FAM117B: variants seen among roughly 807,000 people sequenced by gnomAD.
The protein encoded by FAM117B is family with sequence similarity 117 member B.
A neutral mutation model predicts 52.8 loss-of-function variants in FAM117B; 22 were observed. The ratio of observed to expected loss-of-function variants is 0.42; its 90% CI spans 0.30 to 0.59. The LOEUF is 0.59. Among genes scored for constraint, FAM117B ranks in the 20% least tolerant of loss-of-function variants. The pLI is 0.22. For missense variants in FAM117B, 678 were observed against 802.6 expected (o/e 0.84, Z 1.88); for synonymous variants, 309 against 324.1 (o/e 0.95, Z 0.50).
intron 3 of FAM117B, chr2:202,725,341 C>T (rs542117444): frequency 1.6e-4 from 26 of 158,714 alleles, no homozygotes; most frequent in Non-Finnish European, 3.3e-4. Flanking sequence ...GTGTGTGAGA[C>T]GGAGTCTCGC....
At chr2:202,711,039 A>G (rs1284635341) in intron 2 of FAM117B, among the ~76,000 whole-genome samples, 1 of 152,108 alleles carries the variant, frequency 6.6e-6, no homozygotes, top group Non-Finnish European at 1.5e-5. Context: ...ATACCTTTTC[A>G]ATATACTGAT....
rs114659546 is a variant in FAM117B, at chr2:202,640,803, G to A, written c.601+5015G>A. ...TTTCTGTATTTTGGGTAGAGACTGG[G>A]TTTCACCATGTTGCCCAGGGTGCTC... On this transcript the variant is annotated intron_variant, in intron 1 of 7. Coordinates refer to ENST00000392238, the MANE Select transcript of FAM117B (RefSeq NM_173511.4). Among the ~76,000 whole-genome samples, 1,268 of 152,112 alleles carry A rather than the reference G, an allele frequency of 8.3e-3. 23 individuals carry two copies. The highest frequency in any genetic ancestry group is 0.029 in the African/African-American group (1,198 of 41,486).
intron 1 of FAM117B, among the ~76,000 whole-genome samples, chr2:202,684,990 ATT>A (rs1000849731): frequency 6.8e-6 from 1 of 147,986 alleles, no homozygotes; most frequent in African/African-American, 2.5e-5. Context: ...CTCAAAAAAA[ATT>A]TTTTTTTTTT....
chr2:202,758,864 A>C (rs1288378943), intron 6 of FAM117B, among the ~76,000 whole-genome samples: 2 of 152,240 alleles, frequency 1.3e-5, no homozygotes, highest in African/African-American at 2.4e-5. Context: ...AAACTGAGAA[A>C]TTTTGAAGCA....
intron 1 of FAM117B, among the ~76,000 whole-genome samples, chr2:202,645,413 C>A (rs1263154941): frequency 1.3e-5 from 2 of 151,388 alleles, no homozygotes; most frequent in Non-Finnish European, 2.9e-5. Context: ...CCTCAGCCTC[C>A]CGAGTAGCTG....
At chr2:202,742,215 A>T (rs1224626834) in intron 4 of FAM117B, among the ~76,000 whole-genome samples, 1 of 152,244 alleles carries the variant, frequency 6.6e-6, no homozygotes, top group Admixed American at 6.5e-5. Flanking sequence ...GCTCATAGGG[A>T]AAAGTAAATA....
intron 1 of FAM117B, among the ~76,000 whole-genome samples, chr2:202,643,265 T>C (rs1290374663): frequency 3.3e-5 from 5 of 152,108 alleles, no homozygotes; most frequent in Admixed American, 3.3e-4. Context: ...GAATGAAAGA[T>C]TGTAAATTCA....
intron 1 of FAM117B, among the ~76,000 whole-genome samples, chr2:202,659,604 C>CTT (rs71030981): frequency 0.019 from 1,173 of 62,286 alleles, 285 homozygotes; most frequent in East Asian, 0.04. Context: ...AGCCACCGTG[C>CTT]TTTTTTTTTT....
intron 1 of FAM117B, 140 bp downstream of exon 1, chr2:202,635,928 TG>T (rs71852817): frequency 1 from 862,832 of 862,898 alleles, 431,384 homozygotes; most frequent in Middle Eastern, 1. Flanking sequence ...TGCCGGGCGG[TG>T]GGGGACCCGG....
In FAM117B at chr2:202,635,147, A is replaced by C; in HGVS notation, c.-41A>C. ...CTCCCCCTGCAGCCCAACAACAACA[A>C]AACCCCCCGTCTCGCCCAGTCACCG... On this transcript the variant is annotated 5_prime_UTR_variant, in exon 1 of 8. Transcript: ENST00000392238. 8.0e-7 allele frequency: 1 copy of C among 1,252,688 alleles called. No individual in the cohort carries two copies. Among genetic ancestry groups the C allele is most frequent in the Non-Finnish European group, 1.0e-6 (1 of 998,120 alleles). The allele number at this position is 1,252,688 out of a possible 1,614,324, so 77.6% of individuals were successfully genotyped here. A position where few individuals can be genotyped will look rare whatever the true frequency, so the allele number is the denominator to read the frequency against.
At chr2:202,653,882 G>A (rs1690011967) in intron 1 of FAM117B, among the ~76,000 whole-genome samples, 1 of 152,022 alleles carries the variant, frequency 6.6e-6, no homozygotes, top group Non-Finnish European at 1.5e-5. Flanking sequence ...GTTCTCTCTT[G>A]CATTTCAAGT....
chr2:202,696,515 G>T (rs563204180), intron 2 of FAM117B, among the ~76,000 whole-genome samples: 10 of 152,168 alleles, frequency 6.6e-5, no homozygotes, highest in Non-Finnish European at 1.2e-4. Context: ...CCCATGGGCC[G>T]CAGGTTTTGG....
chr2:202,712,133 T>A (rs964318642), intron 2 of FAM117B, among the ~76,000 whole-genome samples: 1 of 152,166 alleles, frequency 6.6e-6, no homozygotes, highest in Non-Finnish European at 1.5e-5. Context: ...TTGCTTTGGC[T>A]AGTATGAACA....
At chr2:202,644,064 G>GTTTTTTTTT (rs1161026426) in intron 1 of FAM117B, among the ~76,000 whole-genome samples, 264 of 95,150 alleles carry the variant, frequency 2.8e-3, no homozygotes, top group Middle Eastern at 8.5e-3. Flanking sequence ...TTTTTTTTTT[G>GTTTTTTTTT]TTTTTTTTTT....
At chr2:202,639,408 C>T (rs1689734051) in intron 1 of FAM117B, among the ~76,000 whole-genome samples, 2 of 152,214 alleles carry the variant, frequency 1.3e-5, no homozygotes, top group Non-Finnish European at 2.9e-5. Context: ...AACTTCCCAC[C>T]TTCAGTGACT....
intron 1 of FAM117B, among the ~76,000 whole-genome samples, chr2:202,642,025 C>G (rs1689777899): frequency 6.7e-6 from 1 of 149,640 alleles, no homozygotes; most frequent in Non-Finnish European, 1.5e-5. Flanking sequence ...TTACTGCAAC[C>G]TCCGCCTCCC....
intron 2 of FAM117B, among the ~76,000 whole-genome samples, chr2:202,706,369 T>A (rs999555219): frequency 1.3e-5 from 2 of 152,246 alleles, no homozygotes; most frequent in South Asian, 2.1e-4. Flanking sequence ...TAAAAGGACC[T>A]TGGCTTCAGA....
chr2:202,653,595 C>G (rs1689988135), intron 1 of FAM117B, among the ~76,000 whole-genome samples: 1 of 152,144 alleles, frequency 6.6e-6, no homozygotes, highest in African/African-American at 2.4e-5. Flanking sequence ...TTGTCTATCA[C>G]TGGATTTTGT....
chr2:202,697,113 C>G (rs1690723248), intron 2 of FAM117B, among the ~76,000 whole-genome samples: 2 of 152,066 alleles, frequency 1.3e-5, no homozygotes, highest in Admixed American at 1.3e-4. Context: ...AGGTCTACCC[C>G]TTAGTTTTAC....
Sources: allele counts gnomAD v4.1 joint callset (sites outside exome capture counted in the v4.1 genomes callset), GRCh38; gene constraint gnomAD v4.1.1; transcripts MANE v1.5; gene names NCBI Gene and HGNC (gene_info 2026-07-23, HGNC 2026-07-21).